Variants in B4GALT6 observed in about 807,000 individuals in gnomAD.
B4GALT6 encodes UDP-Gal:beta-GlcNAc beta-1,4-galactosyltransferase 6.
Under a neutral mutation model 46.3 loss-of-function variants are expected in B4GALT6, and 14 were observed. The ratio of observed to expected loss-of-function variants is 0.30; its 90% CI spans 0.20 to 0.47. The LOEUF is 0.47. B4GALT6 is among the 20% of genes least tolerant of loss of function. The pLI, the probability that B4GALT6 is intolerant of heterozygous loss-of-function variation, is 0.99. For missense variants in B4GALT6, 386 were observed against 480.1 expected, an observed-to-expected ratio of 0.80 and a Z score of 1.83; for synonymous variants, 168 against 162.0, an observed-to-expected ratio of 1.04 and a Z score of -0.28.
rs755650938 is a variant in B4GALT6 at position 31,626,343 on chromosome 18, T to C, written c.941A>G (p.Asp314Gly). 1.2e-5 allele frequency: 20 copies of C among 1,608,506 alleles called. No homozygotes were observed. Among genetic ancestry groups the C allele is most frequent in the Non-Finnish European group, 1.6e-5 (19 of 1,176,324 alleles). Residue 314 changes from aspartate (D) to glycine (G), a missense_variant, in exon 8 of 9, where the codon GAC (aspartate) becomes GGC (glycine). Asp to Gly is a moderately conservative substitution (Grantham distance 94). Transcript: ENST00000306851. ...AGYNVTRPEG[D>G]LGKYKSIPHH... Reference sequence around the variant, plus strand: ...AGGAATTGACTTGTATTTTCCTAAGTCTCCCTCTGGTCTGGTTACATTATA... The same window carrying C: ...AGGAATTGACTTGTATTTTCCTAAGCCTCCCTCTGGTCTGGTTACATTATA...
At chr18:31,653,082 T>C (rs1230004172) in intron 3 of B4GALT6, among the ~76,000 whole-genome samples, 1 of 151,492 alleles carries the variant, frequency 6.6e-6, no homozygotes, top group Non-Finnish European at 1.5e-5. Flanking sequence ...GAGAAATGCA[T>C]ACAGGCTCAT....
At chr18:31,671,265 A>G (rs953539681) in intron 1 of B4GALT6, among the ~76,000 whole-genome samples, 5 of 152,170 alleles carry the variant, frequency 3.3e-5, no homozygotes, top group African/African-American at 1.2e-4. Context: ...TATGCCCAGT[A>G]ATGAGATTGC....
chr18:31,699,976 T>A, the B4GALT6 span, among the ~76,000 whole-genome samples: 1 of 152,176 alleles, frequency 6.6e-6, no homozygotes, highest in Non-Finnish European at 1.5e-5. Flanking sequence ...ATAATTATTT[T>A]AACCCAGCAA....
chr18:31,697,844 T>A, the B4GALT6 span, among the ~76,000 whole-genome samples: 5 of 152,236 alleles, frequency 3.3e-5, no homozygotes, highest in African/African-American at 1.2e-4. Flanking sequence ...ATGGTATCTA[T>A]GGCTGCTATT....
At chr18:31,715,537 CTTTTTTTTTTT>C in the B4GALT6 span, among the ~76,000 whole-genome samples, 3 of 49,626 alleles carry the variant, frequency 6.0e-5, no homozygotes, top group Admixed American at 3.8e-4. Context: ...CTGGAACTGT[CTTTTTTTTTTT>C]TTTTTTTTTT....
At chr18:31,674,486 G>A (rs771409355) in intron 1 of B4GALT6, among the ~76,000 whole-genome samples, 14 of 152,208 alleles carry the variant, frequency 9.2e-5, no homozygotes, top group South Asian at 2.1e-4. Flanking sequence ...TATTATCTAC[G>A]GAACACTGGA....
intron 3 of B4GALT6, among the ~76,000 whole-genome samples, chr18:31,650,287 T>C (rs533423603): frequency 2.0e-5 from 3 of 152,356 alleles, no homozygotes; most frequent in South Asian, 2.1e-4. Flanking sequence ...TCTGTGTCAG[T>C]TGAAGCTCAT....
the B4GALT6 span, chr18:31,719,285 T>C: frequency 6.6e-6 from 1 of 152,098 alleles, no homozygotes; most frequent in Non-Finnish European, 1.5e-5. Context: ...GTGGGAAGGG[T>C]AGAGCTGACA....
chr18:31,651,921 C>T (rs1287155511), intron 3 of B4GALT6, among the ~76,000 whole-genome samples: 2 of 152,178 alleles, frequency 1.3e-5, no homozygotes, highest in Non-Finnish European at 2.9e-5. Context: ...CAGGCGCCCG[C>T]CACCACGCCC....
the B4GALT6 span, among the ~76,000 whole-genome samples, chr18:31,704,583 C>T: frequency 6.6e-6 from 1 of 152,154 alleles, no homozygotes; most frequent in Admixed American, 6.5e-5. Context: ...TATAAAATCT[C>T]TGACAAACAC....
chr18:31,687,930 A>T (rs188717403), upstream of B4GALT6, among the ~76,000 whole-genome samples: 25 of 152,290 alleles, frequency 1.6e-4, no homozygotes, highest in East Asian at 3.3e-3. Context: ...TGTGTTTTGA[A>T]TTTGCTTGTG....
chr18:31,706,423 G>T, the B4GALT6 span, among the ~76,000 whole-genome samples: 4 of 152,154 alleles, frequency 2.6e-5, no homozygotes, highest in Non-Finnish European at 5.9e-5. Context: ...TTGAGGTCAG[G>T]AGTTCGAGAT....
chr18:31,711,884 T>C, the B4GALT6 span, among the ~76,000 whole-genome samples: 1 of 152,198 alleles, frequency 6.6e-6, no homozygotes. Flanking sequence ...ATTGAATTAT[T>C]AAAAAGTAAA....
chr18:31,704,033 T>C, the B4GALT6 span, among the ~76,000 whole-genome samples: 7 of 152,094 alleles, frequency 4.6e-5, no homozygotes, highest in Non-Finnish European at 8.8e-5. Flanking sequence ...ATAACATTAA[T>C]GACAACAGCA....
At chr18:31,689,514 G>T (rs1461105558), upstream of B4GALT6, among the ~76,000 whole-genome samples, 1 of 152,144 alleles carries the variant, frequency 6.6e-6, no homozygotes, top group Non-Finnish European at 1.5e-5. Flanking sequence ...GGAGACCAAG[G>T]CGGGTGGATC....
chr18:31,630,828 G>T, intron 6 of B4GALT6, 131 bp downstream of exon 6: 1 of 973,754 alleles, frequency 1.0e-6, no homozygotes, highest in Non-Finnish European at 1.5e-6. Context: ...AGGAGGACAC[G>T]ATGGAGTTAA....
At chr18:31,641,349 C>T (rs1010163774) in intron 4 of B4GALT6, among the ~76,000 whole-genome samples, 5 of 152,098 alleles carry the variant, frequency 3.3e-5, no homozygotes, top group African/African-American at 1.2e-4. Context: ...ATAAGCTAAC[C>T]TAATGTGCTA....
At chr18:31,707,013 A>T in the B4GALT6 span, among the ~76,000 whole-genome samples, 3 of 152,200 alleles carry the variant, frequency 2.0e-5, no homozygotes, top group Non-Finnish European at 2.9e-5. Flanking sequence ...TGTAAACGCC[A>T]GAAGGAAACG....
At chr18:31,665,913 A>G (rs2074276782) in intron 2 of B4GALT6, among the ~76,000 whole-genome samples, 1 of 152,212 alleles carries the variant, frequency 6.6e-6, no homozygotes, top group Non-Finnish European at 1.5e-5. Context: ...ATGAACATAA[A>G]GAGAGATGGT....
Sources: gnomAD v4.1 joint callset for allele counts (sites outside exome capture counted in the v4.1 genomes callset) on GRCh38, gnomAD v4.1.1 for gene constraint, MANE v1.5 for transcripts, NCBI Gene and HGNC (gene_info 2026-07-23, HGNC 2026-07-21) for gene names.